UBA6: variants seen among roughly 807,000 people sequenced by gnomAD.
UBA6 encodes ubiquitin like modifier activating enzyme 6, also known as ubiquitin-like modifier-activating enzyme 6.
UBA6 carries 87 observed loss-of-function variants against 148.3 expected under a neutral mutation model. The observed-to-expected ratio is 0.59, with a 90% CI of 0.49 to 0.70. The LOEUF (loss-of-function observed/expected upper bound fraction) is 0.70, where lower values mean the gene tolerates loss of function less well. Among genes scored for constraint, UBA6 ranks in the 30% least tolerant of loss-of-function variants. UBA6 has a pLI of 0.00. For missense variants in UBA6, 1,186 were observed against 1,241.2 expected (o/e 0.96, Z 0.67); for synonymous variants, 376 against 401.0 (o/e 0.94, Z 0.75).
intron 3 of UBA6, 121 bp downstream of exon 3, chr4:67,681,998 A>C (rs1216362972): frequency 1.4e-6 from 1 of 723,924 alleles, no homozygotes; most frequent in Non-Finnish European, 2.3e-6. Context: ...TAAAAACTCA[A>C]TCTGATCAAC....
intron 23 of UBA6, among the ~76,000 whole-genome samples, chr4:67,633,020 A>G (rs372433137): frequency 6.5e-4 from 99 of 152,244 alleles, no homozygotes; most frequent in African/African-American, 2.3e-3. Context: ...TATCTTTACC[A>G]CTACCTTATG....
chr4:67,697,364 CTATA>C (rs1450629767), intron 1 of UBA6, among the ~76,000 whole-genome samples: 1 of 152,018 alleles, frequency 6.6e-6, no homozygotes, highest in Non-Finnish European at 1.5e-5. Flanking sequence ...TGAACTTTCT[CTATA>C]TATACAGTCT....
chr4:67,689,173 C>T (rs975936066), intron 2 of UBA6, among the ~76,000 whole-genome samples: 1 of 152,028 alleles, frequency 6.6e-6, no homozygotes, highest in Non-Finnish European at 1.5e-5. Context: ...ATGATTTTGC[C>T]TAACTATAGG....
intron 9 of UBA6, among the ~76,000 whole-genome samples, chr4:67,666,456 G>C (rs1729998438): frequency 6.6e-6 from 1 of 151,512 alleles, no homozygotes; most frequent in South Asian, 2.1e-4. Flanking sequence ...ACCAAACTCA[G>C]CTGCTGTTAC....
intron 2 of UBA6, among the ~76,000 whole-genome samples, chr4:67,682,954 T>A (rs2109951831): frequency 6.6e-6 from 1 of 152,326 alleles, no homozygotes; most frequent in African/African-American, 2.4e-5. Flanking sequence ...TTAATGCACA[T>A]TTGTTTTAAA....
chr4:67,688,047 C>T (rs1730612695), intron 2 of UBA6, among the ~76,000 whole-genome samples: 3 of 152,106 alleles, frequency 2.0e-5, no homozygotes, highest in Non-Finnish European at 2.9e-5. Flanking sequence ...TAGAGGAAAG[C>T]GTTTCCTCTA....
intron 13 of UBA6, among the ~76,000 whole-genome samples, chr4:67,658,089 G>A (rs940789063): frequency 1.3e-5 from 2 of 152,130 alleles, no homozygotes; most frequent in African/African-American, 4.8e-5. Flanking sequence ...TTACACTGTT[G>A]GTGGGAGTGT....
At chr4:67,689,499 A>G (rs1415735816) in intron 2 of UBA6, among the ~76,000 whole-genome samples, 3 of 152,080 alleles carry the variant, frequency 2.0e-5, no homozygotes, top group Non-Finnish European at 4.4e-5. Flanking sequence ...AATGCCCCAA[A>G]TGCCCCAATT....
intron 15 of UBA6, 111 bp from the exon 16 acceptor site, chr4:67,646,127 G>T (rs1209090938): frequency 7.4e-6 from 4 of 541,256 alleles, no homozygotes; most frequent in Middle Eastern, 5.1e-4. Flanking sequence ...TTCTTTAAAA[G>T]TTTCCCCTAA....
chr4:67,648,342 T>A (rs1186994311), intron 14 of UBA6, among the ~76,000 whole-genome samples: 4 of 150,888 alleles, frequency 2.7e-5, no homozygotes, highest in Non-Finnish European at 5.9e-5. Flanking sequence ...GTGGTCTGCA[T>A]CTGTAACCCC....
In UBA6 at chr4:67,699,779, A is replaced by T. The variant is rs578082421; in HGVS notation, c.71+1270T>A. 3.0e-4 allele frequency among the ~76,000 whole-genome samples: 46 copies of T among 151,926 alleles called. 1 individual carries two copies. The highest frequency in any genetic ancestry group is 1.1e-3 in the African/African-American group (44 of 41,446). ...ACCTACGCCCAGCTAATTTTTTTGT[A>T]TTTTGTAGAGACGCGGTTTCGCCAT... On this transcript the variant is annotated intron_variant, in intron 1 of 32. Coordinates refer to ENST00000322244, the MANE Select transcript of UBA6 (RefSeq NM_018227.6).
chr4:67,659,875 C>T (rs1016443112), intron 13 of UBA6, among the ~76,000 whole-genome samples: 9 of 152,090 alleles, frequency 5.9e-5, no homozygotes, highest in East Asian at 3.9e-4. Flanking sequence ...CAGCCTGAGG[C>T]GGTCTCAGAT....
At chr4:67,651,323 T>C (rs1198845332) in intron 13 of UBA6, among the ~76,000 whole-genome samples, 2 of 151,994 alleles carry the variant, frequency 1.3e-5, no homozygotes, top group African/African-American at 4.8e-5. Flanking sequence ...AGAAAAGAAA[T>C]ACTTAAACAA....
At chr4:67,630,571 TAC>T (rs752824878) in intron 25 of UBA6, 36 bp from the exon 26 acceptor site, 6 of 1,416,614 alleles carry the variant, frequency 4.2e-6, no homozygotes, top group Non-Finnish European at 4.8e-6. Context: ...AATTTGAATG[TAC>T]AGTTTTAAAG....
chr4:67,663,973 T>C (rs1276036311), intron 10 of UBA6, 26 bp from the exon 11 acceptor site: 1 of 1,582,960 alleles, frequency 6.3e-7, no homozygotes, highest in Admixed American at 1.7e-5. Context: ...AAGTCATTAC[T>C]TCAGAGTGAG....
At chr4:67,622,186 C>T (rs1342023711) in intron 32 of UBA6, among the ~76,000 whole-genome samples, 6 of 152,166 alleles carry the variant, frequency 3.9e-5, no homozygotes, top group South Asian at 2.1e-4. Context: ...TTGCAGACCA[C>T]GATAAAGACT....
At chr4:67,694,104 T>TA (rs1730766289) in intron 2 of UBA6, among the ~76,000 whole-genome samples, 1 of 148,112 alleles carries the variant, frequency 6.8e-6, no homozygotes, top group Non-Finnish European at 1.5e-5. Context: ...TAGTCCCAGC[T>TA]ACTCAGGAGG....
At chr4:67,662,357 G>A in intron 12 of UBA6, 102 bp from the exon 13 acceptor site, 1 of 1,015,792 alleles carries the variant, frequency 9.8e-7, no homozygotes, top group Non-Finnish European at 1.4e-6. Context: ...AAAGAATGTG[G>A]GATTTTTGCC....
Position 67,628,952 on chromosome 4 carries a change from G to A in UBA6, c.2400+119C>T, listed in dbSNP as rs543665841. Reference sequence around the variant, plus strand: ...GACAAATCTACTTCAAACTCAAGTTGCACTGACAAGAGCAAGAGCAAGAAC... The same window carrying A: ...GACAAATCTACTTCAAACTCAAGTTACACTGACAAGAGCAAGAGCAAGAAC... On this transcript the variant is annotated intron_variant, in intron 27 of 32. Coordinates refer to ENST00000322244, the MANE Select transcript of UBA6 (RefSeq NM_018227.6). The A allele has an allele frequency of 3.8e-5, 27 of 709,932 alleles. No individual in the cohort carries two copies. The East Asian group carries it at 4.2e-4, about 11-fold the overall frequency. 44.0% of individuals were successfully genotyped at this position (709,932 alleles called of 1,614,324 possible).
Sources: gnomAD v4.1 joint callset for allele counts (sites outside exome capture counted in the v4.1 genomes callset) on GRCh38, gnomAD v4.1.1 for gene constraint, MANE v1.5 for transcripts, NCBI Gene and HGNC (gene_info 2026-07-23, HGNC 2026-07-21) for gene names.